AKAP6: variants seen among roughly 807,000 people sequenced by gnomAD.
AKAP6 encodes the protein A-kinase anchoring protein 6.
Under a neutral mutation model 188.5 loss-of-function variants are expected in AKAP6, and 58 were observed. The observed-to-expected ratio is 0.31, with a 90% confidence interval of 0.25 to 0.38. The LOEUF is 0.38. Among genes scored for constraint, AKAP6 ranks in the 10% least tolerant of loss-of-function variants. The pLI is 1.00. For synonymous variants in AKAP6, 989 were observed against 998.6 expected (o/e 0.99, Z 0.18); for missense variants, 2,710 against 2,740.0 (o/e 0.99, Z 0.24).
intron 9 of AKAP6, among the ~76,000 whole-genome samples, chr14:32,710,834 C>T (rs139869487): frequency 3.0e-4 from 45 of 152,164 alleles, no homozygotes; most frequent in Non-Finnish European, 4.7e-4. Flanking sequence ...AAAACAGAAT[C>T]GGGGCTGACA....
intron 4 of AKAP6, among the ~76,000 whole-genome samples, chr14:32,551,307 C>T (rs1029024535): frequency 1.3e-5 from 2 of 152,110 alleles, no homozygotes; most frequent in South Asian, 4.1e-4. Context: ...CGCCGTGGCT[C>T]ATGCCTGTAA....
intron 8 of AKAP6, among the ~76,000 whole-genome samples, chr14:32,685,703 C>T (rs562246454): frequency 7.0e-5 from 9 of 128,554 alleles, no homozygotes; most frequent in East Asian, 2.3e-4. Context: ...CCAGCCTGGG[C>T]GACAGAGCGA....
intron 2 of AKAP6, among the ~76,000 whole-genome samples, chr14:32,459,021 A>G (rs1413928846): frequency 6.6e-6 from 1 of 152,206 alleles, no homozygotes; most frequent in African/African-American, 2.4e-5. Flanking sequence ...AGAAAATGTT[A>G]TTAATAAAGG....
intron 4 of AKAP6, among the ~76,000 whole-genome samples, chr14:32,556,167 T>G (rs1324392761): frequency 6.6e-6 from 1 of 152,186 alleles, no homozygotes; most frequent in Non-Finnish European, 1.5e-5. Context: ...TGTAAGGTGA[T>G]AGATCATTGT....
At chr14:32,629,930 T>C (rs1222803429) in intron 7 of AKAP6, among the ~76,000 whole-genome samples, 1 of 152,036 alleles carries the variant, frequency 6.6e-6, no homozygotes, top group Admixed American at 6.6e-5. Flanking sequence ...TAAAAAAGAA[T>C]GATAATACTC....
In AKAP6 at chr14:32,786,296, A is replaced by ATGTTTTTTTTTTTTTTTTTTTTTTTTTT; in HGVS notation, c.3588+12404_3588+12405insGTTTTTTTTTTTTTTTTTTTTTTTTTTT. Among the ~76,000 whole-genome samples the ATGTTTTTTTTTTTTTTTTTTTTTTTTTT allele has an allele frequency of 1.5e-3, 140 of 93,670 alleles. 46 individuals carry two copies. The highest frequency in any genetic ancestry group is 1.7e-3 in the Non-Finnish European group (83 of 48,552). The allele number at this position is 93,670 out of a possible 152,430, so 61.5% of individuals were successfully genotyped here. On this transcript the variant is annotated intron_variant, in intron 12 of 13. Coordinates refer to ENST00000280979, the MANE Select transcript of AKAP6 (RefSeq NM_004274.5). ...AGCCCTCTGAAAGACCTAAACCTTT[A>ATGTTTTTTTTTTTTTTTTTTTTTTTTTT]TCTTTTTTTTTTTTTTTTTTTTTTT...
At chr14:32,759,334 A>G (rs1955507) in intron 11 of AKAP6, among the ~76,000 whole-genome samples, 110,329 of 152,064 alleles carry the variant, frequency 0.73, 40,669 homozygotes, top group Middle Eastern at 0.81. Flanking sequence ...CCTCTTTTCC[A>G]TCATGCCCTC....
intron 12 of AKAP6, among the ~76,000 whole-genome samples, chr14:32,786,457 A>G (rs1964830): frequency 0.51 from 76,647 of 149,356 alleles, 20,428 homozygotes; most frequent in Admixed American, 0.59. Flanking sequence ...ACAGGCGCCC[A>G]CCACCACGCC....
intron 1 of AKAP6, among the ~76,000 whole-genome samples, chr14:32,330,942 G>A (rs1217937043): frequency 6.6e-6 from 1 of 151,894 alleles, no homozygotes; most frequent in Non-Finnish European, 1.5e-5. Flanking sequence ...AGCATGAATT[G>A]TTCATTGCCT....
At chr14:32,592,804 T>A (rs758165973) in intron 5 of AKAP6, among the ~76,000 whole-genome samples, 1 of 152,146 alleles carries the variant, frequency 6.6e-6, no homozygotes, top group Non-Finnish European at 1.5e-5. Context: ...GGTATTAACA[T>A]TTCCCGTCAT....
intron 2 of AKAP6, among the ~76,000 whole-genome samples, chr14:32,488,445 A>G (rs967484978): frequency 1.3e-5 from 2 of 152,206 alleles, no homozygotes; most frequent in African/African-American, 4.8e-5. Context: ...ATTTCAAGCC[A>G]GTGGATCTTA....
intron 9 of AKAP6, among the ~76,000 whole-genome samples, chr14:32,714,394 T>C (rs1402105297): frequency 6.6e-6 from 1 of 152,044 alleles, no homozygotes; most frequent in East Asian, 1.9e-4. Flanking sequence ...TTTGTAAACA[T>C]TGTAGTATCT....
chr14:32,564,611 T>A (rs1417479769), intron 4 of AKAP6, among the ~76,000 whole-genome samples: 2 of 152,192 alleles, frequency 1.3e-5, no homozygotes, highest in Non-Finnish European at 2.9e-5. Context: ...GTTCCCTAAT[T>A]GGAAGAGGGG....
Position 32,552,362 on chromosome 14 carries a change from T to C in AKAP6, c.2346+5363T>C, listed in dbSNP as rs566064986. On this transcript the variant is annotated intron_variant, in intron 4 of 13. Transcript: ENST00000280979. Reference sequence around the variant, plus strand: ...GAGGGACTGATGTCTGAGATTCAAGTTGTAGCTCAGTTATGAGACAGGAAC... The same window carrying C: ...GAGGGACTGATGTCTGAGATTCAAGCTGTAGCTCAGTTATGAGACAGGAAC... 2.0e-5 allele frequency among the ~76,000 whole-genome samples: 3 copies of C among 152,288 alleles called. No homozygotes were observed. In the South Asian group the frequency reaches 6.2e-4, roughly 32 times the overall value.
intron 12 of AKAP6, among the ~76,000 whole-genome samples, chr14:32,803,589 A>T (rs2034012175): frequency 6.6e-6 from 1 of 151,862 alleles, no homozygotes; most frequent in South Asian, 2.1e-4. Flanking sequence ...TTTTTCGGAG[A>T]TACTTCTTAG....
At chr14:32,387,062 G>C (rs1283569258) in intron 1 of AKAP6, among the ~76,000 whole-genome samples, 2 of 151,710 alleles carry the variant, frequency 1.3e-5, no homozygotes, top group African/African-American at 4.8e-5. Flanking sequence ...TATTGTAAAA[G>C]GAGTTGAGTT....
rs569736635 is a variant in AKAP6 at position 32,367,079 on chromosome 14, T to A, written c.-35+37671T>A. On this transcript the variant is annotated intron_variant, in intron 1 of 13. Transcript: ENST00000280979. ...TTCAGAGCATGAATTATTCAGAAGT[T>A]GTTTTGGAAGCCCTCCTGGGAACAG... is the stretch of plus-strand genomic sequence containing the variant. 2.0e-5 allele frequency among the ~76,000 whole-genome samples: 3 copies of A among 152,298 alleles called. 1 individual carries two copies. The South Asian group carries it at 6.2e-4, about 32-fold the overall frequency.
chr14:32,738,479 G>A (rs966713275), intron 11 of AKAP6, among the ~76,000 whole-genome samples: 8 of 152,230 alleles, frequency 5.3e-5, no homozygotes, highest in South Asian at 2.1e-4. Flanking sequence ...ATTAATAACC[G>A]AAATCTGCTT....
chr14:32,702,446 C>T (rs1476422906), intron 9 of AKAP6, among the ~76,000 whole-genome samples: 4 of 149,500 alleles, frequency 2.7e-5, no homozygotes, highest in African/African-American at 9.9e-5. Context: ...AAAACTTATC[C>T]TGAAAATGTT....
Sources: gnomAD v4.1 joint callset for allele counts (sites outside exome capture counted in the v4.1 genomes callset) on GRCh38, gnomAD v4.1.1 for gene constraint, MANE v1.5 for transcripts, NCBI Gene and HGNC (gene_info 2026-07-23, HGNC 2026-07-21) for gene names.